Variants in CCL19 observed in about 807,000 individuals in gnomAD.
CCL19 encodes C-C motif chemokine 19.
CCL19 carries 5 observed loss-of-function variants against 9.7 expected under a neutral mutation model. That is an observed-to-expected ratio of 0.51 (90% CI 0.27 to 1.08). The LOEUF (loss-of-function observed/expected upper bound fraction) is 1.08, where lower values mean the gene tolerates loss of function less well. Among genes scored for constraint, CCL19 ranks in the 50% least tolerant of loss-of-function variants. The pLI is 0.12. For synonymous variants in CCL19, 40 were observed against 47.4 expected (o/e 0.84, Z 0.64); for missense variants, 90 against 122.5 (o/e 0.73, Z 1.25).
Position 34,689,745 on chromosome 9 carries a change from C to T in CCL19, c.*74G>A. ...TGGAAGCCTGGTCCTTCCTTCTGGTCCTCGGTTCCCCAGGTTAGGTAATAA... is the reference window on the plus strand; with the variant it reads ...TGGAAGCCTGGTCCTTCCTTCTGGTTCTCGGTTCCCCAGGTTAGGTAATAA... On this transcript the variant is annotated 3_prime_UTR_variant, in exon 4 of 4. Coordinates refer to ENST00000311925, the MANE Select transcript of CCL19 (RefSeq NM_006274.3). The surrounding 1 kb of genome is among the most constrained non-coding windows in gnomAD (Gnocchi z 4.1). 1 of 1,573,510 alleles carries T rather than the reference C, an allele frequency of 6.4e-7. No individual in the cohort carries two copies. The highest frequency in any genetic ancestry group is 8.7e-7 in the Non-Finnish European group (1 of 1,146,244).
At position 34,689,736 on chromosome 9, in the gene CCL19, C is replaced by T; in HGVS notation, c.*83G>A. ...CAGAGGAGCTGGAAGCCTGGTCCTT[C>T]CTTCTGGTCCTCGGTTCCCCAGGTT... On this transcript the variant is annotated 3_prime_UTR_variant, in exon 4 of 4. Transcript: ENST00000311925. This position sits in a 1 kb window ranked among gnomAD's most constrained non-coding sequence, Gnocchi z 4.1. 1 of 1,539,696 alleles carries T rather than the reference C, an allele frequency of 6.5e-7. No individual in the cohort carries two copies. The highest frequency in any genetic ancestry group is 1.7e-5 in the Admixed American group (1 of 59,100).
chr9:34,690,772 C>T (rs1372810607), intron 1 of CCL19, among the ~76,000 whole-genome samples: 1 of 152,040 alleles, frequency 6.6e-6, no homozygotes, highest in Non-Finnish European at 1.5e-5. Flanking sequence ...TTAGTGTCTG[C>T]CATTCTCCCT....
intron 1 of CCL19, 118 bp from the exon 2 acceptor site, chr9:34,690,460 G>GTGTGTC (rs1821781365): frequency 1.1e-6 from 1 of 949,354 alleles, no homozygotes; most frequent in African/African-American, 1.6e-5. Context: ...GTGTGTGTGT[G>GTGTGTC]TGTGTGTGTC....
rs765329408 is a variant in CCL19, at chr9:34,689,843, G to C, written c.277-4C>G. On this transcript the variant is annotated splice_region_variant and splice_polypyrimidine_tract_variant and intron_variant, in intron 3 of 3. Transcript: ENST00000311925. This position sits in a 1 kb window ranked among gnomAD's most constrained non-coding sequence, Gnocchi z 4.1. ...GTTAACTGCTGCGGCGCTTCATCTA[G>C]AGGAGGAAGGAGAGGAAGGATCATG... is the stretch of plus-strand genomic sequence containing the variant. 7.4e-6 allele frequency: 12 copies of C among 1,614,062 alleles called. No homozygotes were observed. The highest frequency in any genetic ancestry group is 8.5e-6 in the Non-Finnish European group (10 of 1,180,040).
At position 34,691,127 on chromosome 9, in the gene CCL19, G is replaced by C. The variant is rs147416046; in HGVS notation, c.13C>G (p.Leu5Val). MALL[L>V]ALSLLVLWTS... ...CAGAGAACCAGCAGGCTGAGGGCCA[G>C]TAGCAGGGCCATGGAGGGTGAACAG... The change falls in exon 1 of 4, where the codon CTG becomes GTG. Residue 5 changes from leucine (L) to valine (V), a missense_variant. Transcript: ENST00000311925. 150 of 1,613,460 alleles carry C rather than the reference G, an allele frequency of 9.3e-5. No homozygotes were observed. Among genetic ancestry groups the C allele is most frequent in the Non-Finnish European group, 1.2e-4 (142 of 1,179,754 alleles).
In CCL19 at chr9:34,689,919, G is replaced by A; in HGVS notation, c.276+11C>T. On this transcript the variant is annotated intron_variant, in intron 3 of 3. Transcript: ENST00000311925. The surrounding 1 kb of genome is among the most constrained non-coding windows in gnomAD (Gnocchi z 4.1). ...GAGGGAGGAGACAGGGCCAGGGAGG[G>A]CCAGGCTTGCCTTGGCTGAGGTCCT... The A allele has an allele frequency of 1.2e-6, 2 of 1,614,016 alleles. No individual in the cohort carries two copies. The highest frequency in any genetic ancestry group is 1.3e-5 in the African/African-American group (1 of 75,032).
intron 1 of CCL19, among the ~76,000 whole-genome samples, chr9:34,690,745 T>G (rs1821783788): frequency 6.6e-6 from 1 of 152,078 alleles, no homozygotes; most frequent in African/African-American, 2.4e-5. Flanking sequence ...CTAAAATTTT[T>G]GAATATCAGC....
rs766371269 is a variant in CCL19 at position 34,691,173 on chromosome 9, T to C, written c.-34A>G. On this transcript the variant is annotated 5_prime_UTR_variant, in exon 1 of 4. Transcript: ENST00000311925. ...AACAGAGGCAGGCCAACGGTGAATG[T>C]GTGAGCGCCAGCTGTCTGGGTGTGT... The C allele has an allele frequency of 6.2e-7, 1 of 1,607,494 alleles. No homozygotes were observed. The highest frequency in any genetic ancestry group is 8.5e-7 in the Non-Finnish European group (1 of 1,175,330).
chr9:34,690,404 C>G (rs1419926271), intron 1 of CCL19, 62 bp from the exon 2 acceptor site: 3 of 1,531,292 alleles, frequency 2.0e-6, no homozygotes, highest in Non-Finnish European at 8.9e-7. Flanking sequence ...GGCCATGGCC[C>G]TAGCTCGGAT....
chr9:34,690,110 G>A (rs2233875), intron 2 of CCL19, 87 bp from the exon 3 acceptor site: 2 of 1,586,150 alleles, frequency 1.3e-6, no homozygotes, highest in Non-Finnish European at 1.7e-6. Flanking sequence ...GGATTTCCTT[G>A]AAGGGGTTGG....
At chr9:34,690,993 C>T (rs1821785846) in intron 1 of CCL19, 98 bp downstream of exon 1, 1 of 1,084,034 alleles carries the variant, frequency 9.2e-7, no homozygotes, top group Admixed American at 2.3e-5. Context: ...CTGAACTCAC[C>T]ATGTCCCTTA....
intron 1 of CCL19, among the ~76,000 whole-genome samples, 159 bp from the exon 2 acceptor site, chr9:34,690,501 A>G (rs565704662): frequency 3.4e-5 from 5 of 148,908 alleles, no homozygotes; most frequent in African/African-American, 1.2e-4. Flanking sequence ...TAGACCTGGT[A>G]TTCAGCCATT....
In CCL19 at chr9:34,690,315, G is replaced by A; in HGVS notation, c.77C>T (p.Ala26Val). Residue 26 changes from alanine to valine, a missense_variant, in exon 2 of 4, where the codon GCT becomes GTT. Transcript: ENST00000311925. ...PAPTLSGTNDAEDCCLSVTQK... is the reference protein window; with the variant it reads ...PAPTLSGTNDVEDCCLSVTQK... ...GGTCACAGACAGGCAGCAGTCTTCA[G>A]CATCATTGGTGCCACTCAGAGTTGG... 6 of 1,614,014 alleles carry A rather than the reference G, an allele frequency of 3.7e-6. No homozygotes were observed. The highest frequency in any genetic ancestry group is 5.1e-6 in the Non-Finnish European group (6 of 1,179,966).
intron 1 of CCL19, 82 bp from the exon 2 acceptor site, chr9:34,690,424 CTGTGTGTGTGTG>C (rs74180568): frequency 8.5e-4 from 516 of 608,174 alleles, no homozygotes; most frequent in Admixed American, 2.1e-3. Context: ...TTGAGGACAC[CTGTGTGTGTGTG>C]TGTGTGTGTG....
chr9:34,690,228 C>T lies in CCL19; in HGVS notation c.164G>A (p.Cys55Tyr). ...AACTCACACTACAGCAGGCACCCTG[C>T]AGCCATCCTTGATGAGAAGGTAGTG... ...NFHYLLIKDGCRVPAVVFTTL... is the reference protein window; with the variant it reads ...NFHYLLIKDGYRVPAVVFTTL... The change falls in exon 2 of 4, where the codon TGC (cysteine) becomes TAC (tyrosine). Residue 55 changes from cysteine (C) to tyrosine (Y), a missense_variant. Physicochemically the swap from Cys to Tyr is radical, Grantham distance 194 (BLOSUM62 -2). Transcript: ENST00000311925. The T allele has an allele frequency of 6.2e-7, 1 of 1,614,166 alleles. No homozygotes were observed. The highest frequency in any genetic ancestry group is 1.7e-5 in the Admixed American group (1 of 60,026).
Position 34,691,206 on chromosome 9 carries a change from C to T in CCL19, c.-67G>A. Reference sequence around the variant, plus strand: ...CCAGCTGTCTGGGTGTGTGCAGGATCTGTGTGAGGCTGCAGGGCGACTGGG... The same window carrying T: ...CCAGCTGTCTGGGTGTGTGCAGGATTTGTGTGAGGCTGCAGGGCGACTGGG... On this transcript the variant is annotated 5_prime_UTR_variant, in exon 1 of 4. Coordinates refer to ENST00000311925, the MANE Select transcript of CCL19 (RefSeq NM_006274.3). 6.9e-7 allele frequency: 1 copy of T among 1,454,084 alleles called. No homozygotes were observed. The highest frequency in any genetic ancestry group is 9.6e-7 in the Non-Finnish European group (1 of 1,045,890). The allele number at this position is 1,454,084 out of a possible 1,614,324, so 90.1% of individuals were successfully genotyped here. A position where few individuals can be genotyped will look rare whatever the true frequency, so the allele number is the denominator to read the frequency against.
intron 1 of CCL19, 69 bp from the exon 2 acceptor site, chr9:34,690,411 G>A (rs1233770985): frequency 8.0e-5 from 110 of 1,375,116 alleles, no homozygotes; most frequent in Middle Eastern, 2.3e-4. Context: ...GCCCTAGCTC[G>A]GATTGAGGAC....
chr9:34,690,979 T>A, intron 1 of CCL19, 112 bp downstream of exon 1: 1 of 919,962 alleles, frequency 1.1e-6, no homozygotes, highest in South Asian at 1.7e-5. Context: ...ACCTAAGCAT[T>A]TGCCTGAACT....
Position 34,690,023 on chromosome 9 carries a change from C to A in CCL19, c.183G>T (p.Val61=). 1 of 1,613,786 alleles carries A rather than the reference C, an allele frequency of 6.2e-7. No homozygotes were observed. Among genetic ancestry groups the A allele is most frequent in the Non-Finnish European group, 8.5e-7 (1 of 1,179,864 alleles). ...IKDGCRVPAV[V]FTTLRGRQLC... is the part of the protein sequence containing the mutation. ...GCTGGCGGCCCCTCAGTGTGGTGAA[C>A]CTGGGGTGAGAGGCCGGAGAGAATG... Residue 61 remains valine, a splice_region_variant and synonymous_variant, in exon 3 of 4, where the codon GTG becomes GTT. Coordinates refer to ENST00000311925, the MANE Select transcript of CCL19 (RefSeq NM_006274.3).
Sources: allele counts gnomAD v4.1 joint callset (sites outside exome capture counted in the v4.1 genomes callset), GRCh38; gene constraint gnomAD v4.1.1; non-coding constraint Gnocchi (gnomAD v3.1); transcripts MANE v1.5; gene names NCBI Gene and HGNC (gene_info 2026-07-23, HGNC 2026-07-21).